Variants in HHAT observed in about 807,000 individuals in gnomAD.
HHAT encodes the protein hedgehog acyltransferase, also known as protein-cysteine N-palmitoyltransferase HHAT.
A neutral mutation model predicts 70.8 loss-of-function variants in HHAT; 47 were observed. That is an observed-to-expected ratio of 0.66 (90% CI 0.53 to 0.85). The LOEUF is 0.85. Among genes scored for constraint, HHAT ranks in the 40% least tolerant of loss-of-function variants. The probability of loss-of-function intolerance (pLI) is 0.00; values close to 1 mark genes in which losing one functional copy is unlikely to be tolerated. For synonymous variants in HHAT, 228 were observed against 247.6 expected, an observed-to-expected ratio of 0.92 and a Z score of 0.74; for missense variants, 609 against 604.8, an observed-to-expected ratio of 1.01 and a Z score of -0.07.
chr1:210,650,220 T>C (rs1674857421), intron 11 of HHAT, among the ~76,000 whole-genome samples: 1 of 152,228 alleles, frequency 6.6e-6, no homozygotes. Context: ...ATTCTCATAA[T>C]GGTTTTGTGA....
Position 210,585,797 on chromosome 1 carries a change from T to C in HHAT, c.1044-2101T>C, listed in dbSNP as rs114983452. 6.2e-3 allele frequency among the ~76,000 whole-genome samples: 946 copies of C among 152,098 alleles called. 9 individuals carry two copies. The highest frequency in any genetic ancestry group is 0.011 in the Non-Finnish European group (722 of 67,994). On this transcript the variant is annotated intron_variant, in intron 9 of 11. Coordinates refer to ENST00000261458, the MANE Select transcript of HHAT (RefSeq NM_018194.6). The stretch of plus-strand genomic sequence containing the variant: ...GCAAGGTGGGGGTCATTGAGTGGAA[T>C]ATTAAGAGGAAACATTGGGAAATAG...
intron 8 of HHAT, among the ~76,000 whole-genome samples, chr1:210,502,154 G>GTGGGTGGATCACGAGGTCAGGAGATAGA (rs2094769254): frequency 6.6e-6 from 1 of 151,868 alleles, no homozygotes. Flanking sequence ...GGAGGCCGAG[G>GTGGGTGGATCACGAGGTCAGGAGATAGA]TGGGTGGATC....
At position 210,623,684 on chromosome 1, in the gene HHAT, C is replaced by A; in HGVS notation, c.1390+14C>A. The A allele has an allele frequency of 1.2e-6, 2 of 1,611,546 alleles. No homozygotes were observed. The highest frequency in any genetic ancestry group is 1.7e-6 in the Non-Finnish European group (2 of 1,178,260). On this transcript the variant is annotated intron_variant, in intron 11 of 11. Coordinates refer to ENST00000261458, the MANE Select transcript of HHAT (RefSeq NM_018194.6). ...TCTTCATACAAGGTAAGTTGCTTGA[C>A]AGTGCTGTTTTCAGTCAGTTTCTTG...
chr1:210,662,955 T>C (rs1201079864), intron 11 of HHAT, among the ~76,000 whole-genome samples: 1 of 152,142 alleles, frequency 6.6e-6, no homozygotes, highest in African/African-American at 2.4e-5. Context: ...AAGGATCTCT[T>C]GCTCAGAATG....
intron 9 of HHAT, among the ~76,000 whole-genome samples, chr1:210,584,606 C>G (rs1227371226): frequency 6.6e-6 from 1 of 152,146 alleles, no homozygotes. Flanking sequence ...GCTTTTCTGA[C>G]TTGTCATCCA....
chr1:210,477,806 G>T lies in HHAT; in HGVS notation c.1007+13151G>T, dbSNP rs1185738422. Among the ~76,000 whole-genome samples the T allele has an allele frequency of 2.0e-5, 3 of 152,188 alleles. No individual in the cohort carries two copies. The East Asian group carries it at 5.8e-4, about 29-fold the overall frequency. ...TTATTTTAATCGAGGTTCTTCAGCTGGGAGTGGGGAACAGGGTTGTCATTA... is the reference window on the plus strand; with the variant it reads ...TTATTTTAATCGAGGTTCTTCAGCTTGGAGTGGGGAACAGGGTTGTCATTA... On this transcript the variant is annotated intron_variant, in intron 8 of 11. Transcript: ENST00000261458.
intron 11 of HHAT, among the ~76,000 whole-genome samples, chr1:210,649,039 T>G (rs567225989): frequency 1.3e-5 from 2 of 152,284 alleles, no homozygotes; most frequent in South Asian, 4.1e-4. Context: ...ACCCAATTGG[T>G]ATATATGAAA....
intron 4 of HHAT, among the ~76,000 whole-genome samples, chr1:210,395,021 T>C (rs1414821925): frequency 2.0e-5 from 3 of 152,152 alleles, no homozygotes; most frequent in African/African-American, 4.8e-5. Flanking sequence ...ATAATACATA[T>C]ATATTTCAGT....
At chr1:210,453,753 T>A (rs2093803587) in intron 7 of HHAT, among the ~76,000 whole-genome samples, 1 of 152,244 alleles carries the variant, frequency 6.6e-6, no homozygotes, top group South Asian at 2.1e-4. Flanking sequence ...TTTACTTTTT[T>A]GAAGGATTTG....
At chr1:210,375,897 G>T (rs1215118634) in intron 3 of HHAT, among the ~76,000 whole-genome samples, 1 of 151,348 alleles carries the variant, frequency 6.6e-6, no homozygotes, top group Non-Finnish European at 1.5e-5. Context: ...TGTCATCCAG[G>T]CTGGAGTGCA....
chr1:210,336,531 C>T (rs920804051), intron 1 of HHAT, among the ~76,000 whole-genome samples: 63 of 151,982 alleles, frequency 4.1e-4, no homozygotes, highest in African/African-American at 1.4e-3. Flanking sequence ...TTCCTGTAAT[C>T]CCAGCACTTT....
rs550515186 is a variant in HHAT at position 210,600,285 on chromosome 1, G to C, written c.1245+12186G>C. ...ACAGTGCCTTTTTGAATAAAAGAAAGAATGAATGATATTTTCTGACTTCAC... is the reference window on the plus strand; with the variant it reads ...ACAGTGCCTTTTTGAATAAAAGAAACAATGAATGATATTTTCTGACTTCAC... On this transcript the variant is annotated intron_variant, in intron 10 of 11. Transcript: ENST00000261458. 2.6e-5 allele frequency among the ~76,000 whole-genome samples: 4 copies of C among 152,214 alleles called. No individual in the cohort carries two copies. In the South Asian group the frequency reaches 8.3e-4, roughly 32 times the overall value.
At position 210,329,000 on chromosome 1, in the gene HHAT, A is replaced by G; in HGVS notation, c.-148A>G. ...AGGGTGGCGTCCCGGGGAAGCCCGC[A>G]GCCGCCGCCGATGTCGCTGGGACTC... is the stretch of plus-strand genomic sequence containing the variant. On this transcript the variant is annotated 5_prime_UTR_variant, in exon 1 of 12. Transcript: ENST00000261458. 4 of 1,376,916 alleles carry G rather than the reference A, an allele frequency of 2.9e-6. No individual in the cohort carries two copies. Among genetic ancestry groups the G allele is most frequent in the African/African-American group, 1.5e-5 (1 of 66,486 alleles). 85.3% of individuals were successfully genotyped at this position (1,376,916 alleles called of 1,614,324 possible).
At chr1:210,646,512 A>G (rs549840060) in intron 11 of HHAT, among the ~76,000 whole-genome samples, 38 of 152,346 alleles carry the variant, frequency 2.5e-4, no homozygotes, top group African/African-American at 7.9e-4. Flanking sequence ...CCGTAAGACA[A>G]GAAGACACTG....
At chr1:210,509,711 A>C (rs1045882712) in intron 8 of HHAT, among the ~76,000 whole-genome samples, 5 of 152,148 alleles carry the variant, frequency 3.3e-5, no homozygotes, top group Admixed American at 2.6e-4. Context: ...TGTGTGCTGC[A>C]CTGTGCCTGC....
chr1:210,653,525 G>A (rs34016540), intron 11 of HHAT, among the ~76,000 whole-genome samples: 37,629 of 142,152 alleles, frequency 0.26, 5,391 homozygotes, highest in East Asian at 0.38. Context: ...GCGAGACCCT[G>A]TCTCAAAAAA....
At position 210,592,879 on chromosome 1, in the gene HHAT, CTT is replaced by C. The variant is rs35245794; in HGVS notation, c.1245+4792_1245+4793del. On this transcript the variant is annotated intron_variant, in intron 10 of 11. Transcript: ENST00000261458. ...GCATCTTTTCAAAAAACCAACTTTT[CTT>C]TTTTTTTTTTTATTATACTTTAAGT... Among the ~76,000 whole-genome samples the C allele has an allele frequency of 8.8e-3, 1,279 of 145,502 alleles. 20 individuals carry two copies. The highest frequency in any genetic ancestry group is 0.03 in the African/African-American group (1,183 of 39,956).
intron 10 of HHAT, 123 bp downstream of exon 10, chr1:210,588,222 G>C: frequency 1.3e-6 from 1 of 773,302 alleles, no homozygotes; most frequent in Non-Finnish European, 2.0e-6. Context: ...TTGGTTCAAA[G>C]TCCATATGCC....
At chr1:210,384,073 A>C (rs1572053985) in intron 3 of HHAT, among the ~76,000 whole-genome samples, 4 of 152,316 alleles carry the variant, frequency 2.6e-5, no homozygotes, top group African/African-American at 9.6e-5. Flanking sequence ...GGCAGTTACA[A>C]ACACTAGGCC....
Sources: allele counts gnomAD v4.1 joint callset (sites outside exome capture counted in the v4.1 genomes callset), GRCh38; gene constraint gnomAD v4.1.1; transcripts MANE v1.5; gene names NCBI Gene and HGNC (gene_info 2026-07-23, HGNC 2026-07-21).